The following UBA6 variants were observed in gnomAD, a reference collection of about 807,000 sequenced individuals.
UBA6 encodes the protein ubiquitin-like modifier-activating enzyme 6.
A neutral mutation model predicts 148.3 loss-of-function variants in UBA6; 87 were observed. That is an observed-to-expected ratio of 0.59 (90% CI 0.49 to 0.70). The LOEUF is 0.70. Ranked by LOEUF, UBA6 falls within the 30% of genes least tolerant of loss-of-function variation. UBA6 has a pLI of 0.00. For synonymous variants in UBA6, 376 were observed against 401.0 expected (o/e 0.94, Z 0.75); for missense variants, 1,186 against 1,241.2 (o/e 0.96, Z 0.67).
chr4:67,664,591 G>A (rs1377948656), intron 10 of UBA6, among the ~76,000 whole-genome samples: 1 of 152,010 alleles, frequency 6.6e-6, no homozygotes, highest in African/African-American at 2.4e-5. Flanking sequence ...AGGAGCCCAA[G>A]GATTTTAGTA....
intron 17 of UBA6, among the ~76,000 whole-genome samples, chr4:67,642,234 C>T (rs545735168): frequency 1.3e-5 from 2 of 152,112 alleles, no homozygotes; most frequent in African/African-American, 2.4e-5. Context: ...TCCTACTGCC[C>T]CCAACTCCCC....
chr4:67,693,062 T>C (rs1446559924), intron 2 of UBA6, among the ~76,000 whole-genome samples: 2 of 151,962 alleles, frequency 1.3e-5, no homozygotes, highest in African/African-American at 4.8e-5. Flanking sequence ...AGTCACATAG[T>C]AGTTACATAT....
intron 1 of UBA6, among the ~76,000 whole-genome samples, chr4:67,699,512 A>C (rs1730920058): frequency 6.6e-6 from 1 of 152,146 alleles, no homozygotes; most frequent in South Asian, 2.1e-4. Context: ...GCTGTGTTCT[A>C]AGAGATCACC....
chr4:67,630,421 T>G, intron 26 of UBA6, 45 bp downstream of exon 26: 1 of 1,297,558 alleles, frequency 7.7e-7, no homozygotes, highest in Non-Finnish European at 1.1e-6. Flanking sequence ...CATCTAATTC[T>G]AATTTGGTTT....
intron 13 of UBA6, among the ~76,000 whole-genome samples, chr4:67,652,589 T>G (rs1354568662): frequency 1.3e-5 from 2 of 152,198 alleles, no homozygotes; most frequent in African/African-American, 4.8e-5. Flanking sequence ...ACAGCTCGTC[T>G]GCAGCTCCCA....
chr4:67,639,172 G>T, intron 18 of UBA6, 48 bp from the exon 19 acceptor site: 1 of 1,440,290 alleles, frequency 6.9e-7, no homozygotes, highest in South Asian at 1.3e-5. Flanking sequence ...AACAAAAAAA[G>T]GACTATGATT....
At chr4:67,648,919 T>C (rs1024645439) in intron 14 of UBA6, 149 bp downstream of exon 14, 24 of 763,168 alleles carry the variant, frequency 3.1e-5, no homozygotes, top group Non-Finnish European at 4.8e-5. Flanking sequence ...AATCATAGAA[T>C]CAAGTGTTGG....
chr4:67,680,486 G>T (rs1730406756), intron 4 of UBA6, among the ~76,000 whole-genome samples: 1 of 152,114 alleles, frequency 6.6e-6, no homozygotes, highest in South Asian at 2.1e-4. Context: ...AAAAACCTAG[G>T]CAAGGAAGGG....
chr4:67,618,693 A>AT lies in UBA6; in HGVS notation c.*303dup, dbSNP rs947646761. ...ATCCATATCTGTTCTGGTCATACAT[A>AT]TTTTTTCCTTCTTTTTATCCAGAGA... On this transcript the variant is annotated 3_prime_UTR_variant, in exon 33 of 33. Coordinates refer to ENST00000322244, the MANE Select transcript of UBA6 (RefSeq NM_018227.6). The AT allele has an allele frequency of 1.3e-4, 28 of 221,334 alleles. No homozygotes were observed. Among genetic ancestry groups the AT allele is most frequent in the African/African-American group, 6.1e-4 (27 of 43,928 alleles). The allele number at this position is 221,334 out of a possible 1,614,324, so 13.7% of individuals were successfully genotyped here.
chr4:67,653,739 G>A (rs918147197), intron 13 of UBA6, among the ~76,000 whole-genome samples: 11 of 152,126 alleles, frequency 7.2e-5, no homozygotes, highest in African/African-American at 4.8e-5. Flanking sequence ...AAACTTCTCC[G>A]AGCTAAAGGA....
chr4:67,661,062 C>A (rs866575186), intron 13 of UBA6, among the ~76,000 whole-genome samples: 1 of 152,164 alleles, frequency 6.6e-6, no homozygotes, highest in Non-Finnish European at 1.5e-5. Context: ...TGTCTGTACC[C>A]TCACTGTATC....
In UBA6 at chr4:67,648,427, C is replaced by T. The variant is rs367640198; in HGVS notation, c.1248+641G>A. On this transcript the variant is annotated intron_variant, in intron 14 of 32. Coordinates refer to ENST00000322244, the MANE Select transcript of UBA6 (RefSeq NM_018227.6). ...AGGTTGCAGTGAGCTAACATCGCGC[C>T]ATTGCACTCCAGCCTGGGTAACAGT... Among the ~76,000 whole-genome samples the T allele has an allele frequency of 1.9e-4, 28 of 144,790 alleles. No homozygotes were observed. In the South Asian group the frequency reaches 3.7e-3, roughly 19 times the overall value. The allele number at this position is 144,790 out of a possible 152,430, so 95.0% of individuals were successfully genotyped here.
At chr4:67,653,232 T>C (rs548037642) in intron 13 of UBA6, among the ~76,000 whole-genome samples, 137 of 152,236 alleles carry the variant, frequency 9.0e-4, no homozygotes, top group Non-Finnish European at 1.7e-3. Context: ...CTCAATTGGG[T>C]CCCTGACCCC....
intron 10 of UBA6, 46 bp from the exon 11 acceptor site, chr4:67,663,993 A>AT: frequency 6.8e-7 from 1 of 1,461,000 alleles, no homozygotes; most frequent in Non-Finnish European, 9.5e-7. Context: ...GTGAGTGATT[A>AT]TTTGACAAAA....
At chr4:67,665,460 G>A (rs1225130592) in intron 9 of UBA6, among the ~76,000 whole-genome samples, 168 bp from the exon 10 acceptor site, 1 of 148,458 alleles carries the variant, frequency 6.7e-6, no homozygotes, top group African/African-American at 2.5e-5. Flanking sequence ...GAAGAGCTGG[G>A]AGGAGTGTGG....
At chr4:67,683,819 T>G (rs888681446) in intron 2 of UBA6, among the ~76,000 whole-genome samples, 6 of 152,124 alleles carry the variant, frequency 3.9e-5, no homozygotes, top group African/African-American at 1.4e-4. Context: ...ACGCCTATAA[T>G]CCCAGCACTT....
chr4:67,631,667 T>C (rs1728999601), intron 25 of UBA6, 41 bp downstream of exon 25: 1 of 1,433,456 alleles, frequency 7.0e-7, no homozygotes, highest in Non-Finnish European at 9.6e-7. Context: ...AGTAAAGAAA[T>C]ATATAATGAA....
chr4:67,675,280 T>C (rs904102991), intron 6 of UBA6, among the ~76,000 whole-genome samples: 1 of 152,254 alleles, frequency 6.6e-6, no homozygotes, highest in African/African-American at 2.4e-5. Context: ...TCATGTTCAT[T>C]TCCATAAGTT....
At chr4:67,697,560 T>C (rs754159209) in intron 1 of UBA6, among the ~76,000 whole-genome samples, 21 of 152,244 alleles carry the variant, frequency 1.4e-4, no homozygotes, top group Non-Finnish European at 1.9e-4. Context: ...CAATTACCCC[T>C]GCTTAATCTA....
Sources: allele counts gnomAD v4.1 joint callset (sites outside exome capture counted in the v4.1 genomes callset), GRCh38; gene constraint gnomAD v4.1.1; transcripts MANE v1.5; gene names NCBI Gene and HGNC (gene_info 2026-07-23, HGNC 2026-07-21).